LSAMP: variants seen among roughly 807,000 people sequenced by gnomAD.
The protein encoded by LSAMP is limbic system associated membrane protein.
A neutral mutation model predicts 38.6 loss-of-function variants in LSAMP; 7 were observed. The ratio of observed to expected loss-of-function variants is 0.18; its 90% CI spans 0.10 to 0.34. The LOEUF (loss-of-function observed/expected upper bound fraction) is 0.34, where lower values mean the gene tolerates loss of function less well. Among genes scored for constraint, LSAMP ranks in the 10% least tolerant of loss-of-function variants. The pLI, the probability that LSAMP is intolerant of heterozygous loss-of-function variation, is 1.00. For synonymous variants in LSAMP, 154 were observed against 166.8 expected (o/e 0.92, Z 0.59); for missense variants, 313 against 420.0 (o/e 0.75, Z 2.23).
intron 1 of LSAMP, among the ~76,000 whole-genome samples, chr3:116,376,893 T>C (rs2048500809): frequency 6.6e-6 from 1 of 152,078 alleles, no homozygotes; most frequent in South Asian, 2.1e-4. Flanking sequence ...CTCTGTATTT[T>C]AAGACAGCCA....
Position 116,372,658 on chromosome 3 carries a change from C to A in LSAMP, c.155+72219G>T, listed in dbSNP as rs571059500. On this transcript the variant is annotated intron_variant, in intron 1 of 6. Transcript: ENST00000490035. ...GAATGTTAGAAAATATTTGCAAATA[C>A]TATCATAAAAAGAATATTCAGAATA... Among the ~76,000 whole-genome samples, 28 of 151,222 alleles carry A rather than the reference C, an allele frequency of 1.9e-4. No homozygotes were observed. In the East Asian group the frequency reaches 5.5e-3, roughly 30 times the overall value.
chr3:116,235,507 G>C (rs543887131), intron 1 of LSAMP, among the ~76,000 whole-genome samples: 1 of 152,110 alleles, frequency 6.6e-6, no homozygotes, highest in Non-Finnish European at 1.5e-5. Context: ...AAGAGAGAAA[G>C]AGATAGAGAT....
chr3:116,377,033 A>G (rs960527479), intron 1 of LSAMP, among the ~76,000 whole-genome samples: 1 of 151,924 alleles, frequency 6.6e-6, no homozygotes, highest in Non-Finnish European at 1.5e-5. Flanking sequence ...CAGTTCAAAT[A>G]CCATTTTATT....
At chr3:116,159,912 T>A (rs1182813742) in intron 1 of LSAMP, among the ~76,000 whole-genome samples, 1 of 151,352 alleles carries the variant, frequency 6.6e-6, no homozygotes, top group Non-Finnish European at 1.5e-5. Flanking sequence ...AAGAATGAGA[T>A]CATGTTTTTT....
chr3:116,098,141 A>T (rs933495264), intron 1 of LSAMP, among the ~76,000 whole-genome samples: 1 of 152,184 alleles, frequency 6.6e-6, no homozygotes, highest in South Asian at 2.1e-4. Flanking sequence ...ATCACAGGCA[A>T]AGGAAATGTA....
chr3:116,068,699 C>T (rs1215934016), intron 2 of LSAMP, among the ~76,000 whole-genome samples: 1 of 152,184 alleles, frequency 6.6e-6, no homozygotes, highest in Admixed American at 6.5e-5. Flanking sequence ...TTTTCATCAA[C>T]TATCTCAACA....
chr3:116,349,586 A>G (rs1313549110), intron 1 of LSAMP, among the ~76,000 whole-genome samples: 1 of 151,884 alleles, frequency 6.6e-6, no homozygotes, highest in Non-Finnish European at 1.5e-5. Context: ...GCACTGTTAT[A>G]GCATTGGGTT....
intron 2 of LSAMP, among the ~76,000 whole-genome samples, chr3:116,042,317 A>G (rs1321134700): frequency 6.6e-6 from 1 of 151,850 alleles, no homozygotes; most frequent in Non-Finnish European, 1.5e-5. Context: ...AATACCAAAT[A>G]TTTTTATTTT....
chr3:116,111,579 G>T (rs982508580), intron 1 of LSAMP, among the ~76,000 whole-genome samples: 2 of 151,954 alleles, frequency 1.3e-5, no homozygotes, highest in African/African-American at 2.4e-5. Flanking sequence ...AAAGTGATAT[G>T]GTTTATCACC....
At chr3:116,131,025 C>T (rs1050950554) in intron 1 of LSAMP, among the ~76,000 whole-genome samples, 10 of 119,108 alleles carry the variant, frequency 8.4e-5, no homozygotes, top group Non-Finnish European at 1.6e-4. Flanking sequence ...GAGTCTTGAT[C>T]TGTCGCCCAG....
At chr3:115,958,164 T>G (rs1428565327) in intron 3 of LSAMP, among the ~76,000 whole-genome samples, 1 of 152,194 alleles carries the variant, frequency 6.6e-6, no homozygotes, top group Admixed American at 6.5e-5. Context: ...ATAAAAACAT[T>G]GGTATAGGGG....
chr3:115,821,829 C>T (rs1244766982), intron 6 of LSAMP, among the ~76,000 whole-genome samples: 2 of 152,170 alleles, frequency 1.3e-5, no homozygotes, highest in Admixed American at 1.3e-4. Flanking sequence ...CTGCTGCTTC[C>T]TCACTGATGC....
rs1388521237 is a variant in LSAMP at position 116,383,560 on chromosome 3, G to C, written c.155+61317C>G. On this transcript the variant is annotated intron_variant, in intron 1 of 6. Coordinates refer to ENST00000490035, the MANE Select transcript of LSAMP (RefSeq NM_002338.5). ...CAGGTCCTAGGGCTCTTAAGTGCCTGTCCAGTATCCTCGTCATTACTTTTT... is the reference window on the plus strand; with the variant it reads ...CAGGTCCTAGGGCTCTTAAGTGCCTCTCCAGTATCCTCGTCATTACTTTTT... Among the ~76,000 whole-genome samples the C allele has an allele frequency of 2.0e-5, 3 of 152,050 alleles. No individual in the cohort carries two copies. In the South Asian group the frequency reaches 6.2e-4, roughly 32 times the overall value.
chr3:116,021,456 G>A (rs1045045652), intron 2 of LSAMP, among the ~76,000 whole-genome samples: 6 of 151,930 alleles, frequency 3.9e-5, no homozygotes, highest in African/African-American at 1.5e-4. Flanking sequence ...CTAATTCCCA[G>A]ATGAGTAGGC....
chr3:115,948,542 A>G (rs1285238470), intron 3 of LSAMP, among the ~76,000 whole-genome samples: 2 of 152,224 alleles, frequency 1.3e-5, no homozygotes, highest in African/African-American at 4.8e-5. Flanking sequence ...TTAAGTCAAC[A>G]ATGAAATCAA....
chr3:116,186,452 TAGA>T (rs1342758871), intron 1 of LSAMP, among the ~76,000 whole-genome samples: 1 of 152,138 alleles, frequency 6.6e-6, no homozygotes, highest in African/African-American at 2.4e-5. Flanking sequence ...AATTCCTGTG[TAGA>T]ATTGGTAGAA....
chr3:116,328,190 A>C, intron 1 of LSAMP, among the ~76,000 whole-genome samples: 1 of 152,174 alleles, frequency 6.6e-6, no homozygotes, highest in Non-Finnish European at 1.5e-5. Context: ...TCAGTTGGGC[A>C]ATAAAGCAAC....
rs370879097 is a variant in LSAMP, at chr3:116,334,000, T to C, written c.155+110877A>G. On this transcript the variant is annotated intron_variant, in intron 1 of 6. Transcript: ENST00000490035. ...AATGAAAATGACAAATCTTTACCTA[T>C]ATAAGGACTAAGAAAAAAGAGAAAA... Among the ~76,000 whole-genome samples the C allele has an allele frequency of 1.7e-4, 26 of 152,002 alleles. 1 individual carries two copies. In the South Asian group the frequency reaches 2.7e-3, roughly 16 times the overall value.
chr3:116,376,769 G>A (rs2048499288), intron 1 of LSAMP, among the ~76,000 whole-genome samples: 5 of 152,032 alleles, frequency 3.3e-5, no homozygotes, highest in Admixed American at 3.3e-4. Context: ...ACCTATAAAT[G>A]TTTATATAAT....
Sources: allele counts gnomAD v4.1 joint callset (sites outside exome capture counted in the v4.1 genomes callset), GRCh38; gene constraint gnomAD v4.1.1; transcripts MANE v1.5; gene names NCBI Gene and HGNC (gene_info 2026-07-23, HGNC 2026-07-21).